Variants in OGDH observed in about 807,000 individuals in gnomAD.
The protein encoded by OGDH is oxoglutarate dehydrogenase, also known as 2-oxoglutarate dehydrogenase complex component E1.
In OGDH, 38 loss-of-function variants were observed where a neutral mutation model predicts 116.6. The observed-to-expected ratio is 0.33, with a 90% CI of 0.25 to 0.43. The LOEUF is 0.43. Ranked by LOEUF, OGDH falls within the 20% of genes least tolerant of loss-of-function variation. OGDH has a pLI of 1.00. For missense variants in OGDH, 825 were observed against 1,357.2 expected (o/e 0.61, Z 6.16); for synonymous variants, 488 against 533.3 (o/e 0.92, Z 1.17).
intron 1 of OGDH, among the ~76,000 whole-genome samples, chr7:44,607,437 C>T (rs911629062): frequency 2.0e-5 from 3 of 152,186 alleles, no homozygotes; most frequent in African/African-American, 7.2e-5. Context: ...TTGCCCAGAA[C>T]ATAGGACTTC....
intron 2 of OGDH, among the ~76,000 whole-genome samples, chr7:44,635,157 G>A (rs974572359): frequency 4.3e-4 from 65 of 152,160 alleles, no homozygotes; most frequent in African/African-American, 1.4e-3. Flanking sequence ...TTACAGCAGC[G>A]CCGGCTGAAC....
intron 2 of OGDH, among the ~76,000 whole-genome samples, chr7:44,626,340 CA>C (rs1785207334): frequency 7.4e-6 from 1 of 135,736 alleles, no homozygotes; most frequent in East Asian, 2.1e-4. Flanking sequence ...CACCCCTACA[CA>C]CACACACACA....
intron 5 of OGDH, among the ~76,000 whole-genome samples, chr7:44,672,474 G>C (rs1339455101): frequency 2.0e-5 from 3 of 152,148 alleles, no homozygotes; most frequent in Non-Finnish European, 1.5e-5. Flanking sequence ...GGTCTGTAAA[G>C]TGTCTGTTGG....
chr7:44,640,950 A>G (rs533620224), intron 2 of OGDH, among the ~76,000 whole-genome samples: 1 of 150,938 alleles, frequency 6.6e-6, no homozygotes, highest in African/African-American at 2.4e-5. Flanking sequence ...CTGGAGTGCA[A>G]TGGCATGATC....
At chr7:44,607,212 GA>G (rs1302165581) in intron 1 of OGDH, among the ~76,000 whole-genome samples, 1 of 152,246 alleles carries the variant, frequency 6.6e-6, no homozygotes. Flanking sequence ...TTACCGCGCA[GA>G]CCTTGGCGCC....
chr7:44,690,903 C>T (rs1273622263), intron 10 of OGDH, among the ~76,000 whole-genome samples: 1 of 152,128 alleles, frequency 6.6e-6, no homozygotes, highest in Non-Finnish European at 1.5e-5. Flanking sequence ...TTGTTCAGGG[C>T]TCTCTTATGT....
intron 9 of OGDH, among the ~76,000 whole-genome samples, chr7:44,680,312 A>AT (rs1787874434): frequency 6.6e-6 from 1 of 152,144 alleles, no homozygotes; most frequent in South Asian, 2.1e-4. Flanking sequence ...GCTCTGACTA[A>AT]TACAAGGGTT....
intron 1 of OGDH, among the ~76,000 whole-genome samples, chr7:44,613,650 C>T (rs552610300): frequency 4.7e-4 from 71 of 151,910 alleles, no homozygotes; most frequent in Admixed American, 7.9e-4. Flanking sequence ...TGAGCCACCA[C>T]GCCCGGCTAT....
chr7:44,648,717 G>T (rs1786302768), intron 4 of OGDH, among the ~76,000 whole-genome samples: 1 of 152,186 alleles, frequency 6.6e-6, no homozygotes, highest in Admixed American at 6.5e-5. Flanking sequence ...TCTAGGGGAT[G>T]AGGCATTAAT....
intron 2 of OGDH, among the ~76,000 whole-genome samples, chr7:44,628,812 A>G (rs1785306659): frequency 6.6e-6 from 1 of 152,040 alleles, no homozygotes; most frequent in African/African-American, 2.4e-5. Flanking sequence ...TTGTGGTAAA[A>G]TATTTTAGCA....
intron 1 of OGDH, among the ~76,000 whole-genome samples, chr7:44,620,263 C>T (rs766967628): frequency 3.3e-5 from 5 of 152,354 alleles, no homozygotes; most frequent in Non-Finnish European, 7.3e-5. Flanking sequence ...TCAAGTGATC[C>T]GCCTGCCTCA....
At chr7:44,610,539 C>T (rs778133863) in intron 1 of OGDH, among the ~76,000 whole-genome samples, 1 of 151,894 alleles carries the variant, frequency 6.6e-6, no homozygotes, top group Non-Finnish European at 1.5e-5. Context: ...CCTGACCTCG[C>T]GATCTGTCCA....
intron 2 of OGDH, among the ~76,000 whole-genome samples, chr7:44,642,953 C>T (rs1451637333): frequency 1.3e-5 from 2 of 151,452 alleles, no homozygotes; most frequent in Non-Finnish European, 2.9e-5. Context: ...ATATAATTCA[C>T]ATAACATAAA....
Position 44,700,200 on chromosome 7 carries a change from C to CATGTGGAGCAGTGTG in OGDH, c.2491_2492insTGTGGAGCAGTGTGA (p.Val830_Asn831insMetTrpSerSerVal). 6.2e-7 allele frequency: 1 copy of CATGTGGAGCAGTGTG among 1,614,218 alleles called. No individual in the cohort carries two copies. The highest frequency in any genetic ancestry group is 8.5e-7 in the Non-Finnish European group (1 of 1,180,042). On this transcript the variant is annotated inframe_insertion, in exon 19 of 23. Transcript: ENST00000222673. ...TATATGACTGCAATTGGGTTGTTGT[C>CATGTGGAGCAGTGTG]AACTGCTCCACTCCTGGCAACTTCT... is the stretch of plus-strand genomic sequence containing the variant.
intron 5 of OGDH, among the ~76,000 whole-genome samples, chr7:44,671,489 C>T (rs1349793343): frequency 3.9e-5 from 6 of 152,134 alleles, no homozygotes; most frequent in Non-Finnish European, 8.8e-5. Context: ...AATAGCCGGG[C>T]GCGGTGGCTC....
chr7:44,689,537 A>G (rs936193595), intron 10 of OGDH, among the ~76,000 whole-genome samples: 13 of 149,506 alleles, frequency 8.7e-5, no homozygotes, highest in African/African-American at 3.2e-4. Flanking sequence ...CCGCACCCCC[A>G]GCTAGGATTC....
chr7:44,696,506 A>G lies in OGDH; in HGVS notation c.1849A>G (p.Ile617Val), dbSNP rs756205482. ...TCTGACGGAGGATATTCTGACACAC[A>G]TCGGGAATGTGGCTAGTTCTGTGCC... is the stretch of plus-strand genomic sequence containing the variant. Reference protein sequence around the residue: ...TGLTEDILTHIGNVASSVPVE... With the variant: ...TGLTEDILTHVGNVASSVPVE... Residue 617 changes from isoleucine to valine, a missense_variant, in exon 14 of 23, where the codon ATC becomes GTC. By Grantham distance (29) the Ile-to-Val change is conservative (BLOSUM62 3). Coordinates refer to ENST00000222673, the MANE Select transcript of OGDH (RefSeq NM_002541.4). The G allele has an allele frequency of 8.5e-5, 137 of 1,614,056 alleles. No homozygotes were observed. Among genetic ancestry groups the G allele is most frequent in the Non-Finnish European group, 1.1e-4 (128 of 1,180,030 alleles).
intron 1 of OGDH, among the ~76,000 whole-genome samples, chr7:44,612,147 T>G (rs1784590346): frequency 6.6e-6 from 1 of 152,208 alleles, no homozygotes; most frequent in South Asian, 2.1e-4. Flanking sequence ...ACCGTTTGTT[T>G]GAGAAGACTG....
At chr7:44,665,543 A>T (rs1408784375) in intron 4 of OGDH, among the ~76,000 whole-genome samples, 1 of 152,226 alleles carries the variant, frequency 6.6e-6, no homozygotes, top group Non-Finnish European at 1.5e-5. Context: ...GCCTTTTTAT[A>T]AATCTCCAAG....
Sources: gnomAD v4.1 joint callset for allele counts (sites outside exome capture counted in the v4.1 genomes callset) on GRCh38, gnomAD v4.1.1 for gene constraint, MANE v1.5 for transcripts, NCBI Gene and HGNC (gene_info 2026-07-23, HGNC 2026-07-21) for gene names.